The following VPS13B variants were observed in gnomAD, a reference collection of about 807,000 sequenced individuals.
VPS13B encodes intermembrane lipid transfer protein VPS13B.
A neutral mutation model predicts 426.4 loss-of-function variants in VPS13B; 285 were observed. That is an observed-to-expected ratio of 0.67 (90% CI 0.61 to 0.74). The LOEUF is 0.74. VPS13B is among the 30% of genes least tolerant of loss of function. The pLI, the probability that VPS13B is intolerant of heterozygous loss-of-function variation, is 0.00. For synonymous variants in VPS13B, 1,676 were observed against 1,676.4 expected, an observed-to-expected ratio of 1.00 and a Z score of 0.01; for missense variants, 4,537 against 4,782.6, an observed-to-expected ratio of 0.95 and a Z score of 1.51.
chr8:99,836,333 A>G (rs763244749), intron 54 of VPS13B, among the ~76,000 whole-genome samples: 2 of 152,192 alleles, frequency 1.3e-5, no homozygotes, highest in Non-Finnish European at 1.5e-5. Context: ...AAATATATTT[A>G]TAGTGTTGTA....
At chr8:99,727,673 A>G (rs1442163632) in intron 39 of VPS13B, among the ~76,000 whole-genome samples, 1 of 152,184 alleles carries the variant, frequency 6.6e-6, no homozygotes, top group African/African-American at 2.4e-5. Flanking sequence ...TTCATCTCCC[A>G]CTGGTTCCCT....
intron 54 of VPS13B, 126 bp downstream of exon 54, chr8:99,835,864 T>G: frequency 1.0e-6 from 1 of 958,990 alleles, no homozygotes; most frequent in Non-Finnish European, 1.6e-6. Context: ...TGAGAGAACA[T>G]GTGTATCCAT....
In VPS13B at chr8:99,875,666, A is replaced by C. The variant is rs1342319202; in HGVS notation, c.11994A>C (p.Ter3998CysextTer13). Residue 3998 changes from the stop codon to cysteine, a stop_lost, in exon 62 of 62, where the codon TGA becomes TGC. Coordinates refer to ENST00000357162, the MANE Select transcript of VPS13B (RefSeq NM_152564.5). ...AAGCCCTGAGGAAAGGGTTTCCTTG[A>C]GTCCCCTCTGAGGTGTTTATTCCTG... is the stretch of plus-strand genomic sequence containing the variant. ...KNKALRKGFP[*>C] 1 of 1,614,146 alleles carries C rather than the reference A, an allele frequency of 6.2e-7. No individual in the cohort carries two copies. The highest frequency in any genetic ancestry group is 1.7e-5 in the Admixed American group (1 of 60,018).
At chr8:99,529,846 A>G (rs953849388) in intron 30 of VPS13B, among the ~76,000 whole-genome samples, 9 of 152,190 alleles carry the variant, frequency 5.9e-5, no homozygotes, top group Non-Finnish European at 1.2e-4. Flanking sequence ...ACATGACAAA[A>G]TCCCTGTCTT....
chr8:99,021,756 G>C (rs971156287), intron 2 of VPS13B, among the ~76,000 whole-genome samples: 1 of 152,128 alleles, frequency 6.6e-6, no homozygotes, highest in African/African-American at 2.4e-5. Context: ...CCCTCTGAGT[G>C]CCAGTGCCAC....
chr8:99,732,970 CTTTTCCTATTAAATA>C (rs1337339334), intron 39 of VPS13B, among the ~76,000 whole-genome samples: 1 of 152,164 alleles, frequency 6.6e-6, no homozygotes, highest in East Asian at 1.9e-4. Context: ...GCCTATTTCT[CTTTTCCTATTAAATA>C]CTCTCACATT....
chr8:99,736,176 C>T (rs746082504), intron 39 of VPS13B, among the ~76,000 whole-genome samples: 2 of 152,168 alleles, frequency 1.3e-5, no homozygotes, highest in Non-Finnish European at 2.9e-5. Flanking sequence ...ATTTAGTTTA[C>T]ACTTGATTTT....
intron 43 of VPS13B, among the ~76,000 whole-genome samples, chr8:99,806,181 T>A (rs142997192): frequency 3.2e-4 from 49 of 152,344 alleles, no homozygotes; most frequent in Middle Eastern, 3.4e-3. Flanking sequence ...GCAAATTCCT[T>A]AGTTTAGTAA....
intron 3 of VPS13B, among the ~76,000 whole-genome samples, chr8:99,056,306 C>T (rs1439072627): frequency 6.6e-6 from 1 of 152,100 alleles, no homozygotes; most frequent in Non-Finnish European, 1.5e-5. Flanking sequence ...AGCGATCTGC[C>T]TGCCTCAGCC....
chr8:99,670,287 A>G (rs1830658516), intron 35 of VPS13B, among the ~76,000 whole-genome samples: 1 of 152,060 alleles, frequency 6.6e-6, no homozygotes. Flanking sequence ...TTAATCTTTA[A>G]AATTTTTTTC....
intron 16 of VPS13B, among the ~76,000 whole-genome samples, chr8:99,190,362 C>A (rs1438577426): frequency 6.7e-6 from 1 of 149,926 alleles, no homozygotes; most frequent in Admixed American, 6.7e-5. Context: ...TTAATATAAT[C>A]GAAGAATCTC....
chr8:99,742,189 A>G (rs1346432179), intron 39 of VPS13B, among the ~76,000 whole-genome samples: 2 of 152,250 alleles, frequency 1.3e-5, no homozygotes, highest in Admixed American at 6.5e-5. Context: ...AGAGAATACT[A>G]TAAACACCTC....
At chr8:99,059,174 T>C (rs1844043331) in intron 3 of VPS13B, among the ~76,000 whole-genome samples, 1 of 152,220 alleles carries the variant, frequency 6.6e-6, no homozygotes, top group Admixed American at 6.5e-5. Context: ...TCTCACTCTG[T>C]TGCCCAGCCT....
intron 20 of VPS13B, among the ~76,000 whole-genome samples, chr8:99,385,943 A>G (rs1814095759): frequency 6.6e-6 from 1 of 152,134 alleles, no homozygotes; most frequent in Non-Finnish European, 1.5e-5. Context: ...CCAATTTCTG[A>G]AAAAAAATTT....
At chr8:99,501,579 GAT>G in intron 25 of VPS13B, 106 bp from the exon 26 acceptor site, 1 of 1,091,672 alleles carries the variant, frequency 9.2e-7, no homozygotes. Context: ...TTGCATGTAA[GAT>G]GTGAAAAAGT....
chr8:99,210,926 T>G (rs1265974377), intron 17 of VPS13B, among the ~76,000 whole-genome samples: 3 of 152,154 alleles, frequency 2.0e-5, no homozygotes, highest in African/African-American at 4.8e-5. Flanking sequence ...TGTTTAACTG[T>G]CTTTCCTATT....
At chr8:99,189,238 C>T (rs1272655975) in intron 16 of VPS13B, among the ~76,000 whole-genome samples, 3 of 152,184 alleles carry the variant, frequency 2.0e-5, no homozygotes, top group Admixed American at 6.5e-5. Flanking sequence ...CGTGAGCCAC[C>T]GCGCCCGGCC....
intron 17 of VPS13B, among the ~76,000 whole-genome samples, chr8:99,261,756 A>G (rs1818050519): frequency 1.3e-5 from 2 of 152,194 alleles, no homozygotes; most frequent in Admixed American, 6.5e-5. Flanking sequence ...TCTTATTAGT[A>G]ATGCAAATAA....
chr8:99,154,865 T>A (rs189438613), intron 14 of VPS13B, among the ~76,000 whole-genome samples: 5 of 152,176 alleles, frequency 3.3e-5, no homozygotes, highest in Admixed American at 3.3e-4. Flanking sequence ...GCCTCTATAA[T>A]TTTTTACCCA....
Sources: allele counts gnomAD v4.1 joint callset (sites outside exome capture counted in the v4.1 genomes callset), GRCh38; gene constraint gnomAD v4.1.1; transcripts MANE v1.5; gene names NCBI Gene and HGNC (gene_info 2026-07-23, HGNC 2026-07-21).